Variants in VPS13D observed in about 807,000 individuals in gnomAD.
The protein encoded by VPS13D is intermembrane lipid transfer protein VPS13D.
A neutral mutation model predicts 461.9 loss-of-function variants in VPS13D; 187 were observed. The ratio of observed to expected loss-of-function variants is 0.40; its 90% CI spans 0.36 to 0.46. The LOEUF is 0.46. Among genes scored for constraint, VPS13D ranks in the 20% least tolerant of loss-of-function variants. VPS13D has a pLI of 0.60. For missense variants in VPS13D, 4,711 were observed against 5,364.9 expected (o/e 0.88, Z 3.81); for synonymous variants, 1,951 against 1,986.3 (o/e 0.98, Z 0.47).
intron 66 of VPS13D, among the ~76,000 whole-genome samples, chr1:12,458,675 C>G (rs1172445692): frequency 6.6e-6 from 1 of 152,168 alleles, no homozygotes; most frequent in East Asian, 1.9e-4. Flanking sequence ...CAAGGAGTTT[C>G]CTTTACCAAT....
chr1:12,484,562 C>T (rs370197562), intron 67 of VPS13D, among the ~76,000 whole-genome samples: 41 of 152,178 alleles, frequency 2.7e-4, no homozygotes, highest in African/African-American at 8.4e-4. Flanking sequence ...GCATAGCTTC[C>T]TCATCCATAA....
At chr1:12,491,431 C>T (rs1234180515) in intron 67 of VPS13D, among the ~76,000 whole-genome samples, 3 of 152,222 alleles carry the variant, frequency 2.0e-5, no homozygotes, top group Admixed American at 1.3e-4. Context: ...CATAGTTACT[C>T]ATCGTATAAG....
chr1:12,283,628 C>T lies in VPS13D; in HGVS notation c.5526C>T (p.His1842=), dbSNP rs199967336. 112 of 1,614,168 alleles carry T rather than the reference C, an allele frequency of 6.9e-5. No individual in the cohort carries two copies. The East Asian group carries it at 9.4e-4, about 13-fold the overall frequency. The change falls in exon 21 of 70, where the codon CAC becomes CAT. Residue 1842 remains histidine, a synonymous_variant. Transcript: ENST00000620676. ...GAATCGGCTCCACTGCAGACAACCA[C>T]GCAATGAGGCTGCCTCCTGAGGGCA... The part of the protein sequence containing the change: ...FFGIGSTADN[H]AMRLPPEGIL...
At chr1:12,332,387 G>A (rs777915743) in intron 37 of VPS13D, among the ~76,000 whole-genome samples, 10 of 152,168 alleles carry the variant, frequency 6.6e-5, no homozygotes, top group Non-Finnish European at 1.0e-4. Context: ...AATGTACCAC[G>A]GTGACCTGCG....
chr1:12,325,763 A>G (rs1444540839), intron 35 of VPS13D, among the ~76,000 whole-genome samples: 2 of 152,206 alleles, frequency 1.3e-5, no homozygotes, highest in African/African-American at 2.4e-5. Flanking sequence ...ATTTATCAAT[A>G]CTGATCTTTT....
Position 12,369,631 on chromosome 1 carries a change from TG to T in VPS13D, c.10738del (p.Asp3580IlefsTer57). The T allele has an allele frequency of 6.2e-7, 1 of 1,614,230 alleles. No individual in the cohort carries two copies. The highest frequency in any genetic ancestry group is 8.5e-7 in the Non-Finnish European group (1 of 1,180,042). On this transcript the variant is annotated frameshift_variant, in exon 54 of 70. Coordinates refer to ENST00000620676, the MANE Select transcript of VPS13D (RefSeq NM_015378.4). LOFTEE classifies it high-confidence loss of function. ...GSSEINCNMN[D>X]FQDNRQLYYE... ...CCTCTGAGATCAACTGCAACATGAA[TG>T]ATTTCCAGGATAATCGGCAGCTTTA...
At chr1:12,454,088 A>T (rs1645296169) in intron 65 of VPS13D, among the ~76,000 whole-genome samples, 1 of 152,222 alleles carries the variant, frequency 6.6e-6, no homozygotes, top group African/African-American at 2.4e-5. Context: ...AAGAATGCTA[A>T]CTAGATACCA....
intron 13 of VPS13D, among the ~76,000 whole-genome samples, chr1:12,265,136 C>T (rs1333933167): frequency 6.6e-6 from 1 of 152,096 alleles, no homozygotes; most frequent in Non-Finnish European, 1.5e-5. Context: ...AAAAAGATTC[C>T]TTTCAAAATA....
chr1:12,307,720 G>C (rs1229570070), intron 26 of VPS13D, among the ~76,000 whole-genome samples: 1 of 152,132 alleles, frequency 6.6e-6, no homozygotes, highest in African/African-American at 2.4e-5. Flanking sequence ...TTGAACTCCT[G>C]ACCTCAGGTG....
chr1:12,330,416 A>G (rs2101552009), intron 37 of VPS13D, among the ~76,000 whole-genome samples: 1 of 152,204 alleles, frequency 6.6e-6, no homozygotes, highest in South Asian at 2.1e-4. Context: ...CTCTGTCTCA[A>G]AAAAAATTTA....
intron 30 of VPS13D, among the ~76,000 whole-genome samples, chr1:12,317,575 T>A (rs1388986851): frequency 6.6e-6 from 1 of 151,056 alleles, no homozygotes; most frequent in Non-Finnish European, 1.5e-5. Context: ...GCAATTGAAA[T>A]GTGAATAAAA....
intron 67 of VPS13D, among the ~76,000 whole-genome samples, chr1:12,493,847 C>T (rs1049609237): frequency 6.6e-6 from 1 of 152,232 alleles, no homozygotes; most frequent in African/African-American, 2.4e-5. Flanking sequence ...TCTCCCCCTA[C>T]CCACAGCCTA....
At chr1:12,380,285 A>C (rs1644256401) in intron 57 of VPS13D, among the ~76,000 whole-genome samples, 1 of 152,260 alleles carries the variant, frequency 6.6e-6, no homozygotes, top group South Asian at 2.1e-4. Context: ...AAAGTCCAGC[A>C]CTAAGTTAGA....
chr1:12,276,240 C>T lies in VPS13D; in HGVS notation c.2652C>T (p.Ile884=), dbSNP rs776304147. ...VLSGNLPDLK[I]HINEDKISAL... ...CAGGCAACTTACCAGACTTAAAAAT[C>T]CACATTAATGAAGATAAAATATCTG... The change falls in exon 19 of 70, where the codon ATC becomes ATT. Residue 884 remains isoleucine, a synonymous_variant. Coordinates refer to ENST00000620676, the MANE Select transcript of VPS13D (RefSeq NM_015378.4). This position sits in a 1 kb window ranked among gnomAD's most constrained non-coding sequence, Gnocchi z 4.5. 8 of 1,613,892 alleles carry T rather than the reference C, an allele frequency of 5.0e-6. No individual in the cohort carries two copies. The highest frequency in any genetic ancestry group is 6.8e-6 in the Non-Finnish European group (8 of 1,179,948).
intron 65 of VPS13D, among the ~76,000 whole-genome samples, chr1:12,441,337 G>T (rs770722058): frequency 3.9e-5 from 6 of 152,198 alleles, no homozygotes; most frequent in Non-Finnish European, 5.9e-5. Context: ...CTGTGTTTCA[G>T]GCACTGTCCG....
chr1:12,242,958 CT>C (rs979589423), intron 3 of VPS13D, among the ~76,000 whole-genome samples: 63 of 143,678 alleles, frequency 4.4e-4, no homozygotes, highest in Middle Eastern at 3.5e-3. Flanking sequence ...CTTTTCTTTT[CT>C]TTTTTTTTTT....
intron 7 of VPS13D, among the ~76,000 whole-genome samples, chr1:12,254,425 C>G (rs143478132): frequency 6.6e-6 from 1 of 151,770 alleles, no homozygotes; most frequent in African/African-American, 2.4e-5. Context: ...TTAAACTTCA[C>G]CTTTGGTGGC....
chr1:12,498,064 C>T (rs541906995), intron 68 of VPS13D, among the ~76,000 whole-genome samples: 126 of 152,252 alleles, frequency 8.3e-4, no homozygotes, highest in Non-Finnish European at 1.5e-3. Context: ...ATGTATTTTT[C>T]GTAAGATTGC....
chr1:12,501,148 A>G (rs778774238), intron 68 of VPS13D, among the ~76,000 whole-genome samples: 4 of 152,164 alleles, frequency 2.6e-5, no homozygotes, highest in African/African-American at 4.8e-5. Flanking sequence ...CTTTGTAAAC[A>G]TGCTGTTTAC....
Sources: gnomAD v4.1 joint callset for allele counts (sites outside exome capture counted in the v4.1 genomes callset) on GRCh38, gnomAD v4.1.1 for gene constraint, Gnocchi (gnomAD v3.1) non-coding constraint, MANE v1.5 for transcripts, NCBI Gene and HGNC (gene_info 2026-07-23, HGNC 2026-07-21) for gene names.